KIF7: variants seen among roughly 807,000 people sequenced by gnomAD.
KIF7 encodes kinesin-like protein KIF7.
KIF7 carries 104 observed loss-of-function variants against 135.7 expected under a neutral mutation model. That is an observed-to-expected ratio of 0.77 (90% CI 0.65 to 0.90). The LOEUF (loss-of-function observed/expected upper bound fraction) is 0.90, where lower values mean the gene tolerates loss of function less well. Ranked by LOEUF, KIF7 falls within the 40% of genes least tolerant of loss-of-function variation. KIF7 has a pLI of 0.00. For missense variants in KIF7, 2,005 were observed against 1,839.1 expected (o/e 1.09, Z -1.65); for synonymous variants, 883 against 809.4 (o/e 1.09, Z -1.54).
the KIF7 span, among the ~76,000 whole-genome samples, chr15:89,662,367 C>T: frequency 6.6e-6 from 1 of 152,144 alleles, no homozygotes; most frequent in Non-Finnish European, 1.5e-5. Context: ...CATGGTGGCG[C>T]ACACCTGTAA....
chr15:89,634,376 C>T (rs530366495), intron 11 of KIF7, among the ~76,000 whole-genome samples: 21 of 152,338 alleles, frequency 1.4e-4, no homozygotes, highest in South Asian at 4.1e-4. Context: ...GCGTGAGTGA[C>T]GCAGAAGACG....
At chr15:89,618,374 G>A (rs8030993) in intron 1 of KIF7, among the ~76,000 whole-genome samples, 5,581 of 152,264 alleles carry the variant, frequency 0.037, 356 homozygotes, top group African/African-American at 0.13. Flanking sequence ...ATGTTCTTCT[G>A]CATAGAAGGT....
intron 2 of KIF7, among the ~76,000 whole-genome samples, chr15:89,651,672 T>C (rs924017386): frequency 2.0e-5 from 3 of 152,262 alleles, no homozygotes; most frequent in Admixed American, 1.3e-4. Context: ...AAGGCAATTA[T>C]CAAGTACATT....
intron 10 of KIF7, among the ~76,000 whole-genome samples, chr15:89,643,463 C>T (rs1963957559): frequency 6.6e-6 from 1 of 152,170 alleles, no homozygotes; most frequent in Non-Finnish European, 1.5e-5. Context: ...GGTCCTGGAA[C>T]CAATCCCACA....
intron 2 of KIF7, among the ~76,000 whole-genome samples, chr15:89,651,319 T>G (rs1269067425): frequency 6.6e-6 from 1 of 152,172 alleles, no homozygotes; most frequent in East Asian, 1.9e-4. Context: ...AGGATGGTCT[T>G]GATCTCCTGA....
At position 89,628,787 on chromosome 15, in the gene KIF7, C is replaced by T; in HGVS notation, c.3665-1G>A. 1 of 1,611,908 alleles carries T rather than the reference C, an allele frequency of 6.2e-7. No homozygotes were observed. The highest frequency in any genetic ancestry group is 8.5e-7 in the Non-Finnish European group (1 of 1,180,008). On this transcript the variant is annotated splice_acceptor_variant, in intron 18 of 18. Coordinates refer to ENST00000394412, the MANE Select transcript of KIF7 (RefSeq NM_198525.3). LOFTEE classifies it high-confidence loss of function. ...GAGCACAGGCTCCTCTTCTCCCCACCTGTCATGGAGAGTAACGTGTCCTCA... is the reference window on the plus strand; with the variant it reads ...GAGCACAGGCTCCTCTTCTCCCCACTTGTCATGGAGAGTAACGTGTCCTCA...
intron 16 of KIF7, chr15:89,630,082 C>T (rs762401393): frequency 3.2e-6 from 2 of 615,812 alleles, no homozygotes; most frequent in Non-Finnish European, 5.8e-6. Flanking sequence ...CCAATCAGAG[C>T]AGAAGTGGGG....
chr15:89,648,998 G>C lies in KIF7; in HGVS notation c.899C>G (p.Pro300Arg), dbSNP rs1964074667. Reference sequence around the variant, plus strand: ...CCGGGTGATCTTGGAGTCGCGGTAGGGTATGTGGCTGCCCCGGCGCTGAGG... The same window carrying C: ...CCGGGTGATCTTGGAGTCGCGGTAGCGTATGTGGCTGCCCCGGCGCTGAGG... Reference protein sequence around the residue: ...GDPQRRGSHIPYRDSKITRIL... With the variant: ...GDPQRRGSHIRYRDSKITRIL... Residue 300 changes from proline to arginine, a missense_variant, in exon 4 of 19, where the codon CCC becomes CGC. Coordinates refer to ENST00000394412, the MANE Select transcript of KIF7 (RefSeq NM_198525.3). The C allele has an allele frequency of 6.5e-7, 1 of 1,545,500 alleles. No homozygotes were observed. Among genetic ancestry groups the C allele is most frequent in the South Asian group, 1.2e-5 (1 of 83,964 alleles).
intron 11 of KIF7, 85 bp from the exon 12 acceptor site, chr15:89,633,968 G>C (rs967161901): frequency 1.4e-6 from 2 of 1,453,546 alleles, no homozygotes; most frequent in Admixed American, 3.4e-5. Flanking sequence ...AGGGCAGGCA[G>C]ATAGAGGGCA....
In KIF7 at chr15:89,648,268, GC is replaced by G; in HGVS notation, c.1429del (p.Ala477ProfsTer14). On this transcript the variant is annotated frameshift_variant, in exon 5 of 19. Transcript: ENST00000394412. LOFTEE classifies it high-confidence loss of function. The stretch of plus-strand genomic sequence containing the variant: ...TCCCTCGGCCACCTTTCGCCCGCCG[GC>G]CCCCTGCGCCGCCTGGTCCTCGACG... ...ASVEDQAAQGAGGRKEDEGAQ... is the reference protein window; with the variant it reads ...ASVEDQAAQGXGGRKEDEGAQ... The G allele has an allele frequency of 2.0e-6, 3 of 1,514,646 alleles. No individual in the cohort carries two copies. The highest frequency in any genetic ancestry group is 2.0e-5 in the Admixed American group (1 of 49,930). 93.8% of individuals were successfully genotyped at this position (1,514,646 alleles called of 1,614,324 possible).
intron 17 of KIF7, 70 bp downstream of exon 17, chr15:89,629,305 A>T (rs2141993589): frequency 1.6e-6 from 1 of 631,390 alleles, no homozygotes; most frequent in Non-Finnish European, 1.9e-6. Flanking sequence ...AGGGGGGTGC[A>T]GGGCGGGGAA....
At chr15:89,629,250 C>A in intron 17 of KIF7, 125 bp downstream of exon 17, 3 of 1,067,426 alleles carry the variant, frequency 2.8e-6, no homozygotes, top group Non-Finnish European at 3.9e-6. Flanking sequence ...GCCACCAGGG[C>A]TGTAGGTGCA....
downstream of KIF7, chr15:89,625,261 C>T: frequency 6.2e-7 from 1 of 1,613,272 alleles, no homozygotes; most frequent in African/African-American, 1.3e-5. Context: ...TACCCCCACC[C>T]ACGGCCCTTC....
chr15:89,632,905 T>C lies in KIF7; in HGVS notation c.2810A>G (p.His937Arg), dbSNP rs1317499145. ...RALEELGEELHKREAILAKKE... is the reference protein window; with the variant it reads ...RALEELGEELRKREAILAKKE... ...CTTGGCCAGGATGGCCTCCCGCTTG[T>C]GGAGCTCCTCCCCCAGCTCCTCCAG... The change falls in exon 14 of 19, where the codon CAC (histidine) becomes CGC (arginine). Residue 937 changes from histidine to arginine, a missense_variant. Transcript: ENST00000394412. The C allele has an allele frequency of 6.2e-7, 1 of 1,609,606 alleles. No individual in the cohort carries two copies. Among genetic ancestry groups the C allele is most frequent in the Non-Finnish European group, 8.5e-7 (1 of 1,179,462 alleles).
chr15:89,634,421 T>A (rs560154184), intron 11 of KIF7, among the ~76,000 whole-genome samples: 59 of 152,266 alleles, frequency 3.9e-4, no homozygotes, highest in African/African-American at 1.4e-3. Flanking sequence ...GGTACTGGGT[T>A]CATCTCACTA....
chr15:89,634,479 G>A (rs549710493), intron 11 of KIF7, among the ~76,000 whole-genome samples: 23 of 152,316 alleles, frequency 1.5e-4, no homozygotes, highest in South Asian at 4.1e-4. Flanking sequence ...CGCACCGTGC[G>A]CGAGCCGAAG....
At position 89,629,427 on chromosome 15, in the gene KIF7, C is replaced by T. The variant is rs141826578; in HGVS notation, c.3465G>A (p.Leu1155=). 3.5e-5 allele frequency: 56 copies of T among 1,608,092 alleles called. No homozygotes were observed. Among genetic ancestry groups the T allele is most frequent in the African/African-American group, 4.0e-5 (3 of 74,904 alleles). Residue 1155 remains leucine (L), a synonymous_variant, in exon 17 of 19, where the codon CTG becomes CTA. Coordinates refer to ENST00000394412, the MANE Select transcript of KIF7 (RefSeq NM_198525.3). ...QRLEMDRQLT[L]QQKEHEQNMQ... ...TGTTCTGCTCGTGCTCCTTCTGCTGCAGGGTCAGCTGGCGGTCCATCTCCA... is the reference window on the plus strand; with the variant it reads ...TGTTCTGCTCGTGCTCCTTCTGCTGTAGGGTCAGCTGGCGGTCCATCTCCA...
At position 89,648,580 on chromosome 15, in the gene KIF7, C is replaced by T. The variant is rs1292098815; in HGVS notation, c.1118G>A (p.Arg373Gln). ...CTCGGAGCGGTGCCGTGGCGGACCCCGCGCGCCGCTCGCCGTCTCTTCGGG... is the reference window on the plus strand; with the variant it reads ...CTCGGAGCGGTGCCGTGGCGGACCCTGCGCGCCGCTCGCCGTCTCTTCGGG... ...RPPEETASGA[R>Q]GPPRHRSETR... Residue 373 changes from arginine (R) to glutamine (Q), a missense_variant, in exon 5 of 19, where the codon CGG becomes CAG. Physicochemically the swap from Arg to Gln is conservative, Grantham distance 43 (BLOSUM62 1). Transcript: ENST00000394412. 10 of 1,511,422 alleles carry T rather than the reference C, an allele frequency of 6.6e-6. No individual in the cohort carries two copies. The highest frequency in any genetic ancestry group is 5.1e-5 in the East Asian group (2 of 39,388). The allele number at this position is 1,511,422 out of a possible 1,614,324, so 93.6% of individuals were successfully genotyped here.
intron 14 of KIF7, among the ~76,000 whole-genome samples, chr15:89,632,493 G>A (rs1203288945): frequency 1.3e-5 from 2 of 152,156 alleles, no homozygotes; most frequent in Admixed American, 6.5e-5. Flanking sequence ...CTTAAGAGAG[G>A]TTCTTCTATG....
Sources: gnomAD v4.1 joint callset for allele counts (sites outside exome capture counted in the v4.1 genomes callset) on GRCh38, gnomAD v4.1.1 for gene constraint, MANE v1.5 for transcripts, NCBI Gene and HGNC (gene_info 2026-07-23, HGNC 2026-07-21) for gene names.